Variants in SMOC2 observed in about 807,000 individuals in gnomAD.
SMOC2 encodes SPARC related modular calcium binding 2, also known as SPARC-related modular calcium-binding protein 2.
A neutral mutation model predicts 61.4 loss-of-function variants in SMOC2; 39 were observed. The observed-to-expected ratio is 0.64, with a 90% CI of 0.49 to 0.83. The LOEUF (loss-of-function observed/expected upper bound fraction) is 0.83, where lower values mean the gene tolerates loss of function less well. Among genes scored for constraint, SMOC2 ranks in the 40% least tolerant of loss-of-function variants. The probability of loss-of-function intolerance (pLI) is 0.00; values close to 1 mark genes in which losing one functional copy is unlikely to be tolerated. For synonymous variants in SMOC2, 247 were observed against 239.9 expected (o/e 1.03, Z -0.27); for missense variants, 556 against 592.9 (o/e 0.94, Z 0.65).
intron 1 of SMOC2, among the ~76,000 whole-genome samples, chr6:168,491,181 C>G (rs997021936): frequency 6.6e-6 from 1 of 152,164 alleles, no homozygotes; most frequent in Non-Finnish European, 1.5e-5. Context: ...CTTCCATGCT[C>G]CTGAGTAATG....
At chr6:168,587,300 A>T (rs1212498001) in intron 7 of SMOC2, among the ~76,000 whole-genome samples, 2 of 152,192 alleles carry the variant, frequency 1.3e-5, no homozygotes, top group African/African-American at 4.8e-5. Context: ...ACTGTTGTGA[A>T]CCCAAAGTAT....
rs550694820 is a variant in SMOC2 at position 168,586,682 on chromosome 6, T to C, written c.638-12136T>C. Among the ~76,000 whole-genome samples, 12 of 152,350 alleles carry C rather than the reference T, an allele frequency of 7.9e-5. No homozygotes were observed. In the South Asian group the frequency reaches 8.3e-4, roughly 11 times the overall value. ...AATGCTTTTAGTTTTCAATGTATTG[T>C]ACATCTTTGATAAAATTCTTTCTAA... On this transcript the variant is annotated intron_variant, in intron 7 of 12. Coordinates refer to ENST00000356284, the MANE Select transcript of SMOC2 (RefSeq NM_001166412.2).
chr6:168,547,949 G>A (rs930694126), intron 6 of SMOC2, among the ~76,000 whole-genome samples: 5 of 152,092 alleles, frequency 3.3e-5, no homozygotes, highest in South Asian at 2.1e-4. Flanking sequence ...TACATTTCAC[G>A]TCTTTACAAG....
In SMOC2 at chr6:168,544,130, A is replaced by G. The variant is rs553874297; in HGVS notation, c.511+458A>G. Among the ~76,000 whole-genome samples the G allele has an allele frequency of 6.6e-6, 1 of 152,102 alleles. No homozygotes were observed. Among genetic ancestry groups the G allele is most frequent in the Non-Finnish European group, 1.5e-5 (1 of 67,986 alleles). ...CTGGTACAAACAAGAGCTGAACAGA[A>G]CCCTTAACCTTAAACATCATGTCGC... On this transcript the variant is annotated intron_variant, in intron 5 of 12. Coordinates refer to ENST00000356284, the MANE Select transcript of SMOC2 (RefSeq NM_001166412.2). This position sits in a 1 kb window ranked among gnomAD's most constrained non-coding sequence, Gnocchi z 4.1.
intron 1 of SMOC2, among the ~76,000 whole-genome samples, chr6:168,487,446 T>C (rs1249422431): frequency 2.0e-5 from 3 of 152,228 alleles, no homozygotes; most frequent in African/African-American, 7.2e-5. Flanking sequence ...TTGAGCTATC[T>C]CATGCACCGA....
intron 7 of SMOC2, among the ~76,000 whole-genome samples, chr6:168,580,305 T>G (rs1042487088): frequency 6.6e-6 from 1 of 152,188 alleles, no homozygotes; most frequent in East Asian, 1.9e-4. Context: ...GAACATACAT[T>G]TGAGTATGAG....
At chr6:168,601,691 C>T (rs899609120) in intron 8 of SMOC2, among the ~76,000 whole-genome samples, 2 of 152,132 alleles carry the variant, frequency 1.3e-5, no homozygotes, top group Non-Finnish European at 2.9e-5. Flanking sequence ...GTTTTACACA[C>T]GCCAATGAAA....
At position 168,599,021 on chromosome 6, in the gene SMOC2, CA is replaced by C; in HGVS notation, c.824+18del. ...ATCCACAAGGTAAATAGGGTGCACC[CA>C]CCCCCCCCGGGACCATGGGAGGCTT... On this transcript the variant is annotated intron_variant, in intron 8 of 12. Transcript: ENST00000356284. The C allele has an allele frequency of 6.4e-7, 1 of 1,563,352 alleles. No homozygotes were observed. Among genetic ancestry groups the C allele is most frequent in the Non-Finnish European group, 8.7e-7 (1 of 1,153,516 alleles).
intron 7 of SMOC2, among the ~76,000 whole-genome samples, chr6:168,564,184 C>A (rs1420592766): frequency 1.3e-5 from 2 of 152,062 alleles, no homozygotes; most frequent in Non-Finnish European, 2.9e-5. Context: ...GTTTTAGACT[C>A]CTTTTTGTAT....
chr6:168,519,191 GTA>G (rs375424568), intron 2 of SMOC2, among the ~76,000 whole-genome samples: 9,694 of 119,098 alleles, frequency 0.081, 444 homozygotes, highest in East Asian at 0.26. Context: ...GCGTGCATGT[GTA>G]TGTGTGTGTA....
intron 1 of SMOC2, among the ~76,000 whole-genome samples, chr6:168,495,154 T>C (rs1782555443): frequency 6.6e-6 from 1 of 152,228 alleles, no homozygotes; most frequent in Non-Finnish European, 1.5e-5. Flanking sequence ...GCCATGCTCC[T>C]GCGCCCTATG....
At chr6:168,512,662 G>A (rs2115054936) in intron 2 of SMOC2, among the ~76,000 whole-genome samples, 1 of 152,314 alleles carries the variant, frequency 6.6e-6, no homozygotes, top group Middle Eastern at 3.4e-3. Context: ...TTGTGGCCTG[G>A]AATGGTCGCT....
At chr6:168,616,565 G>A (rs968328809) in intron 9 of SMOC2, among the ~76,000 whole-genome samples, 4 of 152,236 alleles carry the variant, frequency 2.6e-5, no homozygotes, top group Non-Finnish European at 4.4e-5. Context: ...ACTTGGAAGA[G>A]AGAGCTGAAT....
intron 9 of SMOC2, among the ~76,000 whole-genome samples, chr6:168,615,751 G>A (rs1786070684): frequency 6.6e-6 from 1 of 152,052 alleles, no homozygotes. Context: ...CCAGCACAGG[G>A]TCTCTTCACA....
At chr6:168,558,804 CATGT>C (rs755240663) in intron 7 of SMOC2, among the ~76,000 whole-genome samples, 149 of 151,268 alleles carry the variant, frequency 9.9e-4, no homozygotes, top group South Asian at 8.0e-3. Flanking sequence ...TGCGTGTGCG[CATGT>C]GTGTGTGTGC....
intron 11 of SMOC2, among the ~76,000 whole-genome samples, chr6:168,660,785 A>G (rs1041397731): frequency 2.0e-5 from 3 of 152,220 alleles, no homozygotes; most frequent in African/African-American, 7.2e-5. Context: ...GGGGCAGGGA[A>G]GGGGCATGGA....
intron 11 of SMOC2, among the ~76,000 whole-genome samples, chr6:168,663,457 A>G (rs1787573394): frequency 1.3e-5 from 2 of 152,254 alleles, no homozygotes; most frequent in Admixed American, 1.3e-4. Flanking sequence ...CCGGCACCCC[A>G]GGGACGTGAA....
intron 1 of SMOC2, among the ~76,000 whole-genome samples, chr6:168,460,789 T>C (rs1781704970): frequency 6.6e-6 from 1 of 152,238 alleles, no homozygotes; most frequent in African/African-American, 2.4e-5. Context: ...TTGGTGGAAA[T>C]GTGTTAAGAG....
chr6:168,452,641 AT>A lies in SMOC2; in HGVS notation c.84+11194del, dbSNP rs895272930. On this transcript the variant is annotated intron_variant, in intron 1 of 12. Coordinates refer to ENST00000356284, the MANE Select transcript of SMOC2 (RefSeq NM_001166412.2). This position sits in a 1 kb window ranked among gnomAD's most constrained non-coding sequence, Gnocchi z 5.0. ...CTCAGATATTCAAAACACCACTTGCATTTTTTTGTACCCCAAAATCTGAAGG... is the reference window on the plus strand; with the variant it reads ...CTCAGATATTCAAAACACCACTTGCATTTTTTGTACCCCAAAATCTGAAGG... 3.9e-5 allele frequency among the ~76,000 whole-genome samples: 6 copies of A among 152,216 alleles called. No individual in the cohort carries two copies. Among genetic ancestry groups the A allele is most frequent in the Non-Finnish European group, 7.3e-5 (5 of 68,028 alleles).
Sources: gnomAD v4.1 joint callset for allele counts (sites outside exome capture counted in the v4.1 genomes callset) on GRCh38, gnomAD v4.1.1 for gene constraint, Gnocchi (gnomAD v3.1) non-coding constraint, MANE v1.5 for transcripts, NCBI Gene and HGNC (gene_info 2026-07-23, HGNC 2026-07-21) for gene names.